The following SGIP1 variants were observed in gnomAD, a reference collection of about 807,000 sequenced individuals.
The protein encoded by SGIP1 is SH3GL interacting endocytic adaptor 1.
Under a neutral mutation model 107.5 loss-of-function variants are expected in SGIP1, and 38 were observed. That is an observed-to-expected ratio of 0.35 (90% CI 0.27 to 0.46). SGIP1 has a LOEUF of 0.46. SGIP1 is among the 20% of genes least tolerant of loss of function. The pLI is 1.00. For synonymous variants in SGIP1, 365 were observed against 366.1 expected (o/e 1.00, Z 0.03); for missense variants, 929 against 1,019.5 (o/e 0.91, Z 1.21).
chr1:66,609,513 C>T (rs1283777720), intron 1 of SGIP1, among the ~76,000 whole-genome samples: 1 of 152,168 alleles, frequency 6.6e-6, no homozygotes, highest in Non-Finnish European at 1.5e-5. Context: ...ACAGATAAAA[C>T]TGGAGAAATA....
At chr1:66,631,036 GAAGAAAGGAAGAAAGAAAGAAAGAAAGA>G (rs2074458489) in intron 2 of SGIP1, among the ~76,000 whole-genome samples, 2 of 94,298 alleles carry the variant, frequency 2.1e-5, no homozygotes, top group African/African-American at 8.4e-5. Context: ...AGGAAGGAAG[GAAGAAAGGAAGAAAGAAAGAAAGAAAGA>G]AAGAAAGAAA....
At chr1:66,573,093 G>A (rs771429136) in intron 1 of SGIP1, among the ~76,000 whole-genome samples, 4 of 151,920 alleles carry the variant, frequency 2.6e-5, no homozygotes, top group Non-Finnish European at 4.4e-5. Flanking sequence ...ATTGGTGTAG[G>A]GTTTCTTCGT....
At chr1:66,545,896 C>A (rs772785399) in intron 1 of SGIP1, among the ~76,000 whole-genome samples, 1 of 152,102 alleles carries the variant, frequency 6.6e-6, no homozygotes, top group Non-Finnish European at 1.5e-5. Context: ...TTGTTCCTTG[C>A]TCAAAAACCA....
intron 7 of SGIP1, among the ~76,000 whole-genome samples, chr1:66,645,499 G>A (rs1269476810): frequency 1.3e-5 from 2 of 152,150 alleles, no homozygotes; most frequent in African/African-American, 2.4e-5. Context: ...ACTAGATGGA[G>A]ACACCCAGAG....
In SGIP1 at chr1:66,719,413, T is replaced by A; in HGVS notation, c.1742+8T>A. On this transcript the variant is annotated splice_region_variant and intron_variant, in intron 19 of 24. Coordinates refer to ENST00000371037, the MANE Select transcript of SGIP1 (RefSeq NM_032291.4). The stretch of plus-strand genomic sequence containing the variant: ...AGGAGCAGACCCAAGCAAGTAAGCC[T>A]GATACTTGGTCCATTGTACTTTCTG... 1 of 1,595,198 alleles carries A rather than the reference T, an allele frequency of 6.3e-7. No homozygotes were observed. Among genetic ancestry groups the A allele is most frequent in the Admixed American group, 1.7e-5 (1 of 59,766 alleles).
intron 1 of SGIP1, among the ~76,000 whole-genome samples, chr1:66,577,847 G>A (rs1424179861): frequency 6.6e-6 from 1 of 150,558 alleles, no homozygotes; most frequent in African/African-American, 2.4e-5. Flanking sequence ...AATGACAGCA[G>A]GCTCAACCAT....
intron 18 of SGIP1, among the ~76,000 whole-genome samples, chr1:66,698,829 C>T (rs571850425): frequency 1.3e-5 from 2 of 151,734 alleles, no homozygotes; most frequent in East Asian, 3.9e-4. Flanking sequence ...AGTATTTGAA[C>T]ATCAAGATGT....
chr1:66,741,123 C>G, intron 23 of SGIP1, 149 bp from the exon 24 acceptor site: 1 of 832,966 alleles, frequency 1.2e-6, no homozygotes, highest in South Asian at 2.3e-5. Context: ...AATAGAATTG[C>G]TCATAATATT....
chr1:66,652,293 C>A (rs1385943429), intron 7 of SGIP1, among the ~76,000 whole-genome samples: 2 of 152,098 alleles, frequency 1.3e-5, no homozygotes, highest in Non-Finnish European at 2.9e-5. Flanking sequence ...GCTTTGCTTT[C>A]CTTTTCCTTA....
At chr1:66,650,915 C>T (rs190756393) in intron 7 of SGIP1, among the ~76,000 whole-genome samples, 24 of 152,204 alleles carry the variant, frequency 1.6e-4, no homozygotes, top group African/African-American at 5.8e-4. Context: ...TGGAGTAAGT[C>T]AGAACTAAGT....
intron 7 of SGIP1, among the ~76,000 whole-genome samples, chr1:66,652,518 C>T (rs1368042480): frequency 6.6e-6 from 1 of 152,040 alleles, no homozygotes; most frequent in Non-Finnish European, 1.5e-5. Flanking sequence ...TAATCTTCAT[C>T]CTGGAGATTT....
At chr1:66,729,169 A>T in intron 19 of SGIP1, 95 bp from the exon 20 acceptor site, 1 of 1,390,952 alleles carries the variant, frequency 7.2e-7, no homozygotes, top group Non-Finnish European at 1.0e-6. Context: ...TCTGCTATTT[A>T]ACATTGCCTC....
chr1:66,660,132 GAA>G (rs1478524775), intron 7 of SGIP1: 1 of 71,582 alleles, frequency 1.4e-5, no homozygotes, highest in East Asian at 3.9e-3. Flanking sequence ...AAGAAAGAAA[GAA>G]AGAAAGAAGA....
intron 3 of SGIP1, among the ~76,000 whole-genome samples, chr1:66,635,664 A>G (rs901831276): frequency 7.2e-5 from 11 of 152,152 alleles, no homozygotes; most frequent in African/African-American, 2.7e-4. Flanking sequence ...TGTATGAGAA[A>G]TAGATCCACA....
intron 5 of SGIP1, 71 bp downstream of exon 5, chr1:66,639,904 A>T: frequency 7.0e-6 from 9 of 1,287,520 alleles, no homozygotes; most frequent in Non-Finnish European, 1.0e-5. Flanking sequence ...GCATTCTTAT[A>T]ATAGGACTTA....
At chr1:66,635,087 C>A (rs1189224804) in intron 3 of SGIP1, among the ~76,000 whole-genome samples, 1 of 152,200 alleles carries the variant, frequency 6.6e-6, no homozygotes, top group Admixed American at 6.5e-5. Flanking sequence ...GGTGGTGCAC[C>A]TACCTAATGC....
At chr1:66,614,809 C>CTT (rs10707091) in intron 1 of SGIP1, among the ~76,000 whole-genome samples, 1,477 of 59,416 alleles carry the variant, frequency 0.025, 314 homozygotes, top group African/African-American at 0.064. Context: ...TTCCAGCTGT[C>CTT]TTTTTTTTTT....
At chr1:66,645,436 A>T (rs1456168792) in intron 7 of SGIP1, among the ~76,000 whole-genome samples, 1 of 152,198 alleles carries the variant, frequency 6.6e-6, no homozygotes, top group Non-Finnish European at 1.5e-5. Flanking sequence ...AAATATATTG[A>T]CATGATGTGG....
intron 1 of SGIP1, among the ~76,000 whole-genome samples, chr1:66,603,590 A>T (rs1390730989): frequency 2.0e-5 from 3 of 152,192 alleles, no homozygotes; most frequent in Non-Finnish European, 4.4e-5. Context: ...TACTGGAAAC[A>T]CATTAAGAGC....
Sources: gnomAD v4.1 joint callset for allele counts (sites outside exome capture counted in the v4.1 genomes callset) on GRCh38, gnomAD v4.1.1 for gene constraint, MANE v1.5 for transcripts, NCBI Gene and HGNC (gene_info 2026-07-23, HGNC 2026-07-21) for gene names.